The following TMEM74 variants were observed in gnomAD, a reference collection of about 807,000 sequenced individuals.
TMEM74 encodes the protein transmembrane protein 74.
TMEM74 carries 13 observed loss-of-function variants against 18.1 expected under a neutral mutation model. The observed-to-expected ratio is 0.72, with a 90% CI of 0.47 to 1.14. TMEM74 has a LOEUF of 1.14. Among genes scored for constraint, TMEM74 ranks in the 50% most tolerant of loss-of-function variants. TMEM74 has a pLI of 0.00. For missense variants in TMEM74, 372 were observed against 375.9 expected, an observed-to-expected ratio of 0.99 and a Z score of 0.09; for synonymous variants, 159 against 146.6, an observed-to-expected ratio of 1.08 and a Z score of -0.61.
rs1304225469 is a variant in TMEM74, at chr8:108,784,463, C to G, written c.636G>C (p.Arg212=). The G allele has an allele frequency of 4.3e-6, 7 of 1,614,062 alleles. No individual in the cohort carries two copies. The highest frequency in any genetic ancestry group is 2.2e-5 in the South Asian group (2 of 91,084). ...VTVDPNTVAA[R]EMERLEKESA... ...TCTCCTTCTCCAGGCGCTCCATCTCCCGGGCTGCCACAGTGTTGGGGTCCA... is the reference window on the plus strand; with the variant it reads ...TCTCCTTCTCCAGGCGCTCCATCTCGCGGGCTGCCACAGTGTTGGGGTCCA... Residue 212 remains arginine, a synonymous_variant, in exon 2 of 2, where the codon CGG becomes CGC. Transcript: ENST00000297459.
chr8:108,657,530 C>T (rs1218983558), intron 1 of TMEM74, among the ~76,000 whole-genome samples: 5 of 151,654 alleles, frequency 3.3e-5, no homozygotes, highest in Non-Finnish European at 5.9e-5. Flanking sequence ...GAAAACAACC[C>T]CAAACCCCAA....
chr8:108,667,157 G>A (rs974548566), intron 1 of TMEM74, among the ~76,000 whole-genome samples: 22 of 152,202 alleles, frequency 1.4e-4, no homozygotes, highest in South Asian at 4.1e-4. Flanking sequence ...CTGTAATCTC[G>A]TTGATCTAGA....
intron 2 of TMEM74, among the ~76,000 whole-genome samples, chr8:108,644,743 G>A (rs1812700317): frequency 6.6e-6 from 1 of 151,950 alleles, no homozygotes; most frequent in Admixed American, 6.6e-5. Flanking sequence ...ACAAACATAT[G>A]AAAAAAATGC....
chr8:108,708,281 T>C (rs1813436953), intron 1 of TMEM74, among the ~76,000 whole-genome samples: 1 of 151,534 alleles, frequency 6.6e-6, no homozygotes, highest in Non-Finnish European at 1.5e-5. Flanking sequence ...TCCAGTCTAC[T>C]GTTGATGGGC....
chr8:108,645,128 A>G (rs1342725691), intron 2 of TMEM74, among the ~76,000 whole-genome samples: 1 of 152,174 alleles, frequency 6.6e-6, no homozygotes, highest in Non-Finnish European at 1.5e-5. Context: ...GGTAGATTGG[A>G]TAAAAAAATG....
At chr8:108,660,077 G>T (rs1378541595) in intron 1 of TMEM74, among the ~76,000 whole-genome samples, 1 of 152,070 alleles carries the variant, frequency 6.6e-6, no homozygotes, top group South Asian at 2.1e-4. Flanking sequence ...ATAAATACTT[G>T]TCATGCCAGT....
chr8:108,610,205 G>C lies in TMEM74; in HGVS notation n.265-1379C>G, dbSNP rs376022975. Among the ~76,000 whole-genome samples, 33 of 152,278 alleles carry C rather than the reference G, an allele frequency of 2.2e-4. No individual in the cohort carries two copies. In the South Asian group the frequency reaches 6.2e-3, roughly 29 times the overall value. The stretch of plus-strand genomic sequence containing the variant: ...AAATGTGAATTTAGCAGGTAAAAGA[G>C]AAAACTTACTGAAATTAATATTGAG... On this transcript the variant is annotated intron_variant and non_coding_transcript_variant, in intron 2 of 3. Transcript: ENST00000518838.
intron 1 of TMEM74, among the ~76,000 whole-genome samples, chr8:108,746,542 A>G (rs1041015193): frequency 2.0e-5 from 3 of 152,122 alleles, no homozygotes; most frequent in African/African-American, 4.8e-5. Flanking sequence ...TAATAAAAAT[A>G]TATATTTGGT....
chr8:108,727,588 G>GT (rs2130636277), intron 1 of TMEM74, among the ~76,000 whole-genome samples: 1 of 152,248 alleles, frequency 6.6e-6, no homozygotes, highest in African/African-American at 2.4e-5. Context: ...ATTCAGTTTT[G>GT]TTTTTGCTAT....
At chr8:108,692,561 T>C (rs952160785) in intron 1 of TMEM74, among the ~76,000 whole-genome samples, 2 of 152,216 alleles carry the variant, frequency 1.3e-5, no homozygotes, top group Non-Finnish European at 2.9e-5. Context: ...GAATGCATTC[T>C]AGACCAGACC....
intron 1 of TMEM74, among the ~76,000 whole-genome samples, chr8:108,693,291 A>G (rs1389233022): frequency 6.6e-6 from 1 of 152,262 alleles, no homozygotes; most frequent in Non-Finnish European, 1.5e-5. Flanking sequence ...ACAACAAAAA[A>G]GAAAGCTGAG....
At chr8:108,659,790 G>C (rs1337313097) in intron 1 of TMEM74, among the ~76,000 whole-genome samples, 1 of 152,138 alleles carries the variant, frequency 6.6e-6, no homozygotes, top group Admixed American at 6.6e-5. Context: ...TCAGCAAGCA[G>C]CCTCAGTTGT....
chr8:108,739,904 A>G (rs955060408), intron 1 of TMEM74, among the ~76,000 whole-genome samples: 2 of 152,088 alleles, frequency 1.3e-5, no homozygotes, highest in African/African-American at 4.8e-5. Flanking sequence ...GAGAGAGAGA[A>G]GTGGGACCGG....
intron 1 of TMEM74, among the ~76,000 whole-genome samples, chr8:108,741,100 G>A (rs1055728602): frequency 1.7e-4 from 26 of 152,026 alleles, no homozygotes; most frequent in Non-Finnish European, 2.9e-5. Flanking sequence ...ACTTCGTACT[G>A]TCTGATATTT....
intron 1 of TMEM74, among the ~76,000 whole-genome samples, chr8:108,732,375 A>T (rs1471422221): frequency 6.6e-6 from 1 of 152,158 alleles, no homozygotes; most frequent in Non-Finnish European, 1.5e-5. Flanking sequence ...AATTCTCTTC[A>T]TCCCATGTGA....
intron 1 of TMEM74, among the ~76,000 whole-genome samples, 184 bp downstream of exon 1, chr8:108,787,292 G>A (rs566441378): frequency 2.6e-5 from 4 of 152,186 alleles, no homozygotes; most frequent in African/African-American, 4.8e-5. Context: ...CAGGCGCCGA[G>A]GAATCCGGCT....
chr8:108,742,625 G>T (rs1813813099), intron 1 of TMEM74, among the ~76,000 whole-genome samples: 1 of 152,134 alleles, frequency 6.6e-6, no homozygotes, highest in South Asian at 2.1e-4. Context: ...TGCCCATTCT[G>T]TGATGTCACA....
At chr8:108,751,229 G>A (rs1033655255) in intron 1 of TMEM74, among the ~76,000 whole-genome samples, 9 of 152,024 alleles carry the variant, frequency 5.9e-5, no homozygotes, top group South Asian at 2.1e-4. Flanking sequence ...AGATTCTTTC[G>A]GGTTAAAATA....
At chr8:108,660,701 A>G (rs1216673865) in intron 1 of TMEM74, among the ~76,000 whole-genome samples, 3 of 152,158 alleles carry the variant, frequency 2.0e-5, no homozygotes, top group African/African-American at 7.2e-5. Flanking sequence ...TCATTCACAC[A>G]TCATAAACCT....
Sources: allele counts gnomAD v4.1 joint callset (sites outside exome capture counted in the v4.1 genomes callset), GRCh38; gene constraint gnomAD v4.1.1; transcripts MANE v1.5; gene names NCBI Gene and HGNC (gene_info 2026-07-23, HGNC 2026-07-21).